NLRP2: variants seen among roughly 807,000 people sequenced by gnomAD.
The protein encoded by NLRP2 is NLR family pyrin domain containing 2, also known as NACHT, LRR and PYD domains-containing protein 2.
In NLRP2, 107 loss-of-function variants were observed where a neutral mutation model predicts 97.2. The ratio of observed to expected loss-of-function variants is 1.10; its 90% CI spans 0.94 to 1.29. NLRP2 has a LOEUF of 1.29. Among genes scored for constraint, NLRP2 ranks in the 50% most tolerant of loss-of-function variants. The probability of loss-of-function intolerance (pLI) is 0.00; values close to 1 mark genes in which losing one functional copy is unlikely to be tolerated. For missense variants in NLRP2, 1,495 were observed against 1,330.3 expected (o/e 1.12, Z -1.93); for synonymous variants, 663 against 551.5 (o/e 1.20, Z -2.83).
At chr19:54,986,556 C>T (rs1426535593) in intron 8 of NLRP2, among the ~76,000 whole-genome samples, 3 of 144,530 alleles carry the variant, frequency 2.1e-5, no homozygotes, top group African/African-American at 5.1e-5. Flanking sequence ...TCTTTATCAT[C>T]TTTTTTTTTT....
At chr19:54,992,574 G>GTTTTTTTTTTTTTTTTTT (rs71181722) in intron 10 of NLRP2, among the ~76,000 whole-genome samples, 2 of 94,974 alleles carry the variant, frequency 2.1e-5, no homozygotes, top group African/African-American at 4.2e-5. Context: ...TTTTTTTTTG[G>GTTTTTTTTTTTTTTTTTT]TTTTTTTTTT....
chr19:54,979,790 T>C (rs2146407653), intron 4 of NLRP2, among the ~76,000 whole-genome samples: 1 of 152,258 alleles, frequency 6.6e-6, no homozygotes, highest in African/African-American at 2.4e-5. Flanking sequence ...ATCTTTTTTT[T>C]TCTTGAGATG....
chr19:55,000,769 C>T lies in NLRP2; in HGVS notation c.3060C>T (p.Ile1020=). The T allele has an allele frequency of 6.2e-7, 1 of 1,612,862 alleles. No individual in the cohort carries two copies. Among genetic ancestry groups the T allele is most frequent in the Non-Finnish European group, 8.5e-7 (1 of 1,179,372 alleles). ...CCCCATTGTACCCCAGGTTGAAAAT[C>T]GATGACTTTAATGATGAACTCAATA... is the stretch of plus-strand genomic sequence containing the variant. ...SGTLRTLRLK[I]DDFNDELNKL... is the part of the protein sequence containing the mutation. Residue 1020 remains isoleucine (I), a synonymous_variant, in exon 13 of 13, where the codon ATC becomes ATT. Coordinates refer to ENST00000448584, the MANE Select transcript of NLRP2 (RefSeq NM_017852.5).
rs778429134 is a variant in NLRP2, at chr19:54,990,662, C to T, written c.2698C>T (p.Gln900Ter). The T allele has an allele frequency of 1.2e-6, 2 of 1,614,108 alleles. No homozygotes were observed. Among genetic ancestry groups the T allele is most frequent in the Non-Finnish European group, 8.5e-7 (1 of 1,180,028 alleles). Residue 900 changes from glutamine to a stop codon, truncating the protein, a stop_gained, in exon 10 of 13, where the codon CAG (glutamine) becomes TAG (stop). Coordinates refer to ENST00000448584, the MANE Select transcript of NLRP2 (RefSeq NM_017852.5). LOFTEE classifies it high-confidence loss of function. ...CTTGAGGTACCCCGAGTGTAAACTG[C>T]AGACCTTGGTGTAAGTCCGTGCTGG... ...EGLRYPECKL[Q>*]TLVLWNCDIT...
chr19:54,986,528 C>G (rs957377328), intron 8 of NLRP2: 2 of 590,228 alleles, frequency 3.4e-6, no homozygotes, highest in Non-Finnish European at 6.0e-6. Context: ...GACCCTGAAT[C>G]CAAAGAAACT....
Position 54,974,507 on chromosome 19 carries a change from T to G in NLRP2, c.288T>G (p.Ala96=), listed in dbSNP as rs2071071877. The stretch of plus-strand genomic sequence containing the variant: ...CCCCTTCTCCTTTTTCAGAAGCAGC[T>G]TTGAAATCCTTTAATAAAAGGAAGC... ...ERAKDEVREA[A]LKSFNKRKPL... Residue 96 remains alanine, a synonymous_variant, in exon 3 of 13, where the codon GCT becomes GCG. Transcript: ENST00000448584. 6.2e-7 allele frequency: 1 copy of G among 1,611,354 alleles called. No individual in the cohort carries two copies. The highest frequency in any genetic ancestry group is 8.5e-7 in the Non-Finnish European group (1 of 1,177,610).
intron 1 of NLRP2, among the ~76,000 whole-genome samples, chr19:54,969,111 T>C (rs898398099): frequency 3.5e-4 from 53 of 152,214 alleles, no homozygotes; most frequent in African/African-American, 1.3e-3. Flanking sequence ...CTTTCATTGT[T>C]GTGTTACTAC....
In NLRP2 at chr19:54,983,096, C is replaced by G; in HGVS notation, c.1398C>G (p.His466Gln). 8 of 1,613,390 alleles carry G rather than the reference C, an allele frequency of 5.0e-6. No individual in the cohort carries two copies. The highest frequency in any genetic ancestry group is 2.2e-5 in the East Asian group (1 of 44,866). Residue 466 changes from histidine (H) to glutamine (Q), a missense_variant, in exon 6 of 13, where the codon CAC (histidine) becomes CAG (glutamine). Coordinates refer to ENST00000448584, the MANE Select transcript of NLRP2 (RefSeq NM_017852.5). ...QGLWAQTSVLHREDLERLGVQ... is the reference protein window; with the variant it reads ...QGLWAQTSVLQREDLERLGVQ... ...TGTGGGCGCAGACGTCCGTGCTTCA[C>G]CGAGAGGATCTGGAAAGGCTCGGGG...
At chr19:54,981,554 T>G in intron 4 of NLRP2, 63 bp from the exon 5 acceptor site, 1 of 597,014 alleles carries the variant, frequency 1.7e-6, no homozygotes, top group Non-Finnish European at 3.0e-6. Flanking sequence ...TTTTCTCTAA[T>G]TGGGACTCCA....
Position 54,982,154 on chromosome 19 carries a change from T to G in NLRP2, c.464-8T>G. On this transcript the variant is annotated splice_region_variant and splice_polypyrimidine_tract_variant and intron_variant, in intron 5 of 12. Coordinates refer to ENST00000448584, the MANE Select transcript of NLRP2 (RefSeq NM_017852.5). ...CCTCTCTCCCTTCCCTCCTCACCAA[T>G]GATAAAGACAAAGACAATAGGTGCA... The G allele has an allele frequency of 6.2e-7, 1 of 1,613,948 alleles. No individual in the cohort carries two copies. The highest frequency in any genetic ancestry group is 8.5e-7 in the Non-Finnish European group (1 of 1,180,018).
Position 55,000,810 on chromosome 19 carries a change from T to G in NLRP2, c.3101T>G (p.Ile1034Arg), listed in dbSNP as rs373636948. 8.7e-6 allele frequency: 14 copies of G among 1,613,414 alleles called. No homozygotes were observed. In the Admixed American group the frequency reaches 1.8e-4, roughly 21 times the overall value. Residue 1034 changes from isoleucine (I) to arginine (R), a missense_variant, in exon 13 of 13, where the codon ATA becomes AGA. Ile to Arg is a moderately conservative substitution (Grantham distance 97). Transcript: ENST00000448584. ...GAACTCAATAAGCTGCTGGAAGAAA[T>G]AGAAGAAAAAAACCCACAACTGATT... Reference protein sequence around the residue: ...NDELNKLLEEIEEKNPQLIID... With the variant: ...NDELNKLLEEREEKNPQLIID...
intron 6 of NLRP2, among the ~76,000 whole-genome samples, chr19:54,984,723 T>G (rs866592554): frequency 2.8e-4 from 43 of 152,052 alleles, no homozygotes; most frequent in Admixed American, 1.5e-3. Flanking sequence ...CCTCAGGTGA[T>G]CCACCCGCCT....
chr19:54,992,551 GT>G lies in NLRP2; in HGVS notation c.2709-1714del, dbSNP rs1352367401. Among the ~76,000 whole-genome samples, 208 of 23,978 alleles carry G rather than the reference GT, an allele frequency of 8.7e-3. 1 individual carries two copies. Among genetic ancestry groups the G allele is most frequent in the East Asian group, 0.068 (45 of 666 alleles). The allele number at this position is 23,978 out of a possible 152,430, so 15.7% of individuals were successfully genotyped here. On this transcript the variant is annotated intron_variant, in intron 10 of 12. Transcript: ENST00000448584. ...GTGGTATTTTTTTGGGGGGGGGGGG[GT>G]TTTCTTTTTTTTTTTTTTTTGGTTT...
chr19:54,976,900 C>T (rs758499716), intron 3 of NLRP2: 12 of 407,492 alleles, frequency 2.9e-5, no homozygotes, highest in African/African-American at 1.1e-4. Context: ...CTGCAATCTC[C>T]GCCTCCTGGG....
intron 4 of NLRP2, among the ~76,000 whole-genome samples, chr19:54,981,254 T>C (rs113659240): frequency 0.017 from 2,551 of 152,036 alleles, 74 homozygotes; most frequent in African/African-American, 0.057. Context: ...ACAACCTCCA[T>C]CTCCCAGGTT....
intron 3 of NLRP2, 34 bp from the exon 4 acceptor site, chr19:54,977,718 G>C (rs763810727): frequency 1.2e-6 from 2 of 1,609,816 alleles, no homozygotes; most frequent in Admixed American, 3.3e-5. Context: ...TGCCAGCACA[G>C]CAACAGGCCT....
intron 10 of NLRP2, chr19:54,990,914 C>CT (rs2146508362): frequency 1.8e-6 from 1 of 566,994 alleles, no homozygotes; most frequent in East Asian, 3.0e-5. Context: ...TTTTTTTCCT[C>CT]TTTATGTATG....
chr19:54,974,408 C>A, intron 2 of NLRP2, 92 bp from the exon 3 acceptor site: 1 of 906,748 alleles, frequency 1.1e-6, no homozygotes. Context: ...AACAAGTGAT[C>A]CAGTTCTAAG....
rs765646068 is a variant in NLRP2 at position 54,983,301 on chromosome 19, G to C, written c.1603G>C (p.Val535Leu). ...CGGCCACACCTGGGACATTGGGGACGTACAGAAGCTGCTTTCCGGAGTAGA... is the reference window on the plus strand; with the variant it reads ...CGGCCACACCTGGGACATTGGGGACCTACAGAAGCTGCTTTCCGGAGTAGA... ...RDGHTWDIGD[V>L]QKLLSGVERL... is the part of the protein sequence containing the mutation. Residue 535 changes from valine to leucine, a missense_variant, in exon 6 of 13, where the codon GTA becomes CTA. Physicochemically the swap from Val to Leu is conservative, Grantham distance 32. Transcript: ENST00000448584. The C allele has an allele frequency of 2.5e-6, 4 of 1,614,182 alleles. No homozygotes were observed. Among genetic ancestry groups the C allele is most frequent in the Non-Finnish European group, 3.4e-6 (4 of 1,180,028 alleles).
Sources: gnomAD v4.1 joint callset for allele counts (sites outside exome capture counted in the v4.1 genomes callset) on GRCh38, gnomAD v4.1.1 for gene constraint, MANE v1.5 for transcripts, NCBI Gene and HGNC (gene_info 2026-07-23, HGNC 2026-07-21) for gene names.